Variants in SMOC1 observed in about 807,000 individuals in gnomAD.
SMOC1 encodes SPARC-related modular calcium-binding protein 1.
A neutral mutation model predicts 56.3 loss-of-function variants in SMOC1; 22 were observed. The ratio of observed to expected loss-of-function variants is 0.39; its 90% CI spans 0.28 to 0.56. The LOEUF is 0.56. SMOC1 is among the 20% of genes least tolerant of loss of function. SMOC1 has a pLI of 0.61. For synonymous variants in SMOC1, 193 were observed against 215.0 expected (o/e 0.90, Z 0.89); for missense variants, 509 against 565.4 (o/e 0.90, Z 1.01).
At chr14:69,906,533 C>T in intron 1 of SMOC1, among the ~76,000 whole-genome samples, 1 of 152,218 alleles carries the variant, frequency 6.6e-6, no homozygotes, top group East Asian at 1.9e-4. Context: ...GGAGCAGAGA[C>T]AAATCATGCC....
At chr14:69,986,231 G>C (rs541940788) in intron 5 of SMOC1, among the ~76,000 whole-genome samples, 37 of 152,312 alleles carry the variant, frequency 2.4e-4, no homozygotes, top group African/African-American at 8.2e-4. Context: ...GAACAGATTA[G>C]TGGTTGCCAG....
At chr14:69,954,901 T>A (rs1276603260) in intron 3 of SMOC1, among the ~76,000 whole-genome samples, 1 of 152,112 alleles carries the variant, frequency 6.6e-6, no homozygotes, top group Non-Finnish European at 1.5e-5. Context: ...GATTACTGAT[T>A]TGAGACTAAC....
chr14:69,996,251 G>A (rs1219923229), intron 7 of SMOC1, among the ~76,000 whole-genome samples: 1 of 152,180 alleles, frequency 6.6e-6, no homozygotes, highest in East Asian at 1.9e-4. Flanking sequence ...TGTCATAATA[G>A]CTACTTTGTT....
chr14:70,012,365 G>T (rs1248184169), intron 9 of SMOC1, among the ~76,000 whole-genome samples: 2 of 152,242 alleles, frequency 1.3e-5, no homozygotes, highest in Non-Finnish European at 2.9e-5. Flanking sequence ...CAGGCACTGG[G>T]TATAATCTAG....
At chr14:70,022,410 ACT>A (rs1360466474) in intron 10 of SMOC1, among the ~76,000 whole-genome samples, 1 of 152,028 alleles carries the variant, frequency 6.6e-6, no homozygotes, top group Non-Finnish European at 1.5e-5. Flanking sequence ...GTTCTTGGTG[ACT>A]CTAGTCCAGC....
At chr14:69,993,285 T>C (rs1356076371) in intron 6 of SMOC1, among the ~76,000 whole-genome samples, 1 of 151,966 alleles carries the variant, frequency 6.6e-6, no homozygotes, top group Non-Finnish European at 1.5e-5. Context: ...TCTGGAGGCA[T>C]AGAGAGAGGA....
chr14:70,013,388 T>C lies in SMOC1; in HGVS notation c.943T>C (p.Cys315Arg). The change falls in exon 10 of 12, where the codon TGT (cysteine) becomes CGT (arginine). Residue 315 changes from cysteine (C) to arginine (R), a missense_variant and splice_region_variant. By Grantham distance (180) the Cys-to-Arg change is radical. Coordinates refer to ENST00000361956, the MANE Select transcript of SMOC1 (RefSeq NM_001034852.3). ...DPFKDRELPG[C>R]PEGKKMEFIT... ...TCAAATCTCATTTTATCTTTTAGGC[T>C]GTCCAGAAGGGAAGAAAATGGAGTT... 1 of 1,613,680 alleles carries C rather than the reference T, an allele frequency of 6.2e-7. No individual in the cohort carries two copies.
chr14:69,963,937 G>A (rs1440364470), intron 3 of SMOC1, among the ~76,000 whole-genome samples: 2 of 152,076 alleles, frequency 1.3e-5, no homozygotes, highest in East Asian at 3.9e-4. Context: ...CACCCATCAG[G>A]TGCAAGGATG....
chr14:70,015,947 A>AT (rs368976320), intron 10 of SMOC1, among the ~76,000 whole-genome samples: 4 of 152,230 alleles, frequency 2.6e-5, no homozygotes, highest in African/African-American at 9.6e-5. Flanking sequence ...AGGAAAAAAA[A>AT]GGAGGTCCGT....
intron 1 of SMOC1, among the ~76,000 whole-genome samples, chr14:69,911,080 T>C (rs992125302): frequency 2.0e-5 from 3 of 152,202 alleles, no homozygotes; most frequent in Admixed American, 6.5e-5. Flanking sequence ...TTGTTGCTAA[T>C]GTTTATGCAG....
At position 69,879,781 on chromosome 14, in the gene SMOC1, A is replaced by T; in HGVS notation, c.99+4A>T. 1 of 1,584,428 alleles carries T rather than the reference A, an allele frequency of 6.3e-7. No individual in the cohort carries two copies. Among genetic ancestry groups the T allele is most frequent in the Non-Finnish European group, 8.5e-7 (1 of 1,172,390 alleles). On this transcript the variant is annotated splice_donor_region_variant and intron_variant, in intron 1 of 11. Transcript: ENST00000361956. ...CCACCGCACCACAGGCCCCAGGGTA[A>T]GTGCGCCCCCAGCTTTGCGCCCACC...
intron 1 of SMOC1, among the ~76,000 whole-genome samples, chr14:69,936,587 T>C (rs10151432): frequency 0.54 from 82,635 of 152,148 alleles, 22,674 homozygotes; most frequent in Admixed American, 0.59. Flanking sequence ...GCTCAGTCCC[T>C]GGCCTTGTGT....
chr14:69,890,876 C>A (rs1160392838), intron 1 of SMOC1, among the ~76,000 whole-genome samples: 1 of 152,030 alleles, frequency 6.6e-6, no homozygotes, highest in Admixed American at 6.6e-5. Flanking sequence ...TGGTACATAC[C>A]CTGGAGAAAT....
intron 5 of SMOC1, chr14:69,978,227 C>T: frequency 3.7e-6 from 2 of 535,254 alleles, no homozygotes; most frequent in Non-Finnish European, 6.7e-6. Flanking sequence ...AGAATGTGAG[C>T]CCTAGGAATA....
intron 1 of SMOC1, among the ~76,000 whole-genome samples, chr14:69,890,871 C>T (rs1191297400): frequency 1.3e-5 from 2 of 152,166 alleles, no homozygotes; most frequent in African/African-American, 4.8e-5. Context: ...TGCTCTGGTA[C>T]ATACCCTGGA....
chr14:69,942,942 C>A (rs1882620775), intron 1 of SMOC1, among the ~76,000 whole-genome samples: 1 of 152,180 alleles, frequency 6.6e-6, no homozygotes, highest in Non-Finnish European at 1.5e-5. Context: ...CCTTCCTACA[C>A]AGTGGCACCT....
intron 6 of SMOC1, among the ~76,000 whole-genome samples, chr14:69,993,716 T>C (rs972012510): frequency 1.3e-5 from 2 of 152,242 alleles, no homozygotes; most frequent in African/African-American, 4.8e-5. Context: ...CCTGGATCAT[T>C]GACAAGTCTG....
At chr14:69,938,779 T>C (rs950528523) in intron 1 of SMOC1, among the ~76,000 whole-genome samples, 1 of 152,194 alleles carries the variant, frequency 6.6e-6, no homozygotes, top group Non-Finnish European at 1.5e-5. Context: ...TTATGTCTGG[T>C]GATGCAGAGC....
At chr14:69,911,532 C>A (rs1194240759) in intron 1 of SMOC1, among the ~76,000 whole-genome samples, 1 of 152,200 alleles carries the variant, frequency 6.6e-6, no homozygotes. Flanking sequence ...TCTACCTTAA[C>A]CCCTGACAAC....
Sources: allele counts gnomAD v4.1 joint callset (sites outside exome capture counted in the v4.1 genomes callset), GRCh38; gene constraint gnomAD v4.1.1; transcripts MANE v1.5; gene names NCBI Gene and HGNC (gene_info 2026-07-23, HGNC 2026-07-21).